The following MYO1H variants were observed in gnomAD, a reference collection of about 807,000 sequenced individuals.
The protein encoded by MYO1H is myosin IH.
A neutral mutation model predicts 149.3 loss-of-function variants in MYO1H; 118 were observed. That is an observed-to-expected ratio of 0.79 (90% CI 0.68 to 0.92). The LOEUF (loss-of-function observed/expected upper bound fraction) is 0.92, where lower values mean the gene tolerates loss of function less well. Among genes scored for constraint, MYO1H ranks in the 40% least tolerant of loss-of-function variants. MYO1H has a pLI of 0.00. For missense variants in MYO1H, 1,212 were observed against 1,280.7 expected (o/e 0.95, Z 0.82); for synonymous variants, 447 against 465.2 (o/e 0.96, Z 0.50).
At chr12:109,332,923 C>CGGGAA in the MYO1H span, among the ~76,000 whole-genome samples, 1 of 152,116 alleles carries the variant, frequency 6.6e-6, no homozygotes, top group Non-Finnish European at 1.5e-5. Flanking sequence ...ACAAATGTTC[C>CGGGAA]CCAAAGGCCA....
At chr12:109,406,083 G>A (rs747657615) in intron 8 of MYO1H, 48 bp downstream of exon 8, 2 of 1,378,680 alleles carry the variant, frequency 1.5e-6, no homozygotes, top group South Asian at 1.2e-5. Context: ...ATGGGTGGGA[G>A]AGAAGAGCGA....
At position 109,444,461 on chromosome 12, in the gene MYO1H, G is replaced by A. The variant is rs183857406; in HGVS notation, c.2925G>A (p.Val975=). ...ATGCCGTTTTGCAGTGTGGACACGT[G>A]TTTGAAGCAGTTACTAAACTCGTCA... Residue 975 remains valine (V), a synonymous_variant, in exon 30 of 32, where the codon GTG becomes GTA. Coordinates refer to ENST00000310903, the Ensembl canonical transcript of MYO1H. 1.9e-4 allele frequency: 302 copies of A among 1,613,960 alleles called. 1 individual carries two copies. The African/African-American group carries it at 3.4e-3, about 18-fold the overall frequency.
At chr12:109,382,615 T>C (rs1453215049) in intron 1 of MYO1H, among the ~76,000 whole-genome samples, 2 of 152,094 alleles carry the variant, frequency 1.3e-5, no homozygotes, top group African/African-American at 2.4e-5. Flanking sequence ...TATAAGTGCA[T>C]GTATAGTTTT....
intron 2 of MYO1H, among the ~76,000 whole-genome samples, chr12:109,390,616 C>T (rs1869603243): frequency 6.6e-6 from 1 of 151,182 alleles, no homozygotes; most frequent in African/African-American, 2.4e-5. Flanking sequence ...AGTGTTTTGC[C>T]CAATTTTAGG....
intron 19 of MYO1H, among the ~76,000 whole-genome samples, chr12:109,429,245 C>T (rs544979015): frequency 6.6e-5 from 10 of 152,240 alleles, no homozygotes; most frequent in African/African-American, 2.2e-4. Flanking sequence ...TCTGAGCTAG[C>T]ACTGTCCTAG....
In MYO1H at chr12:109,376,037, C is replaced by T. The variant is rs547493555; in HGVS notation, c.13-12646C>T. On this transcript the variant is annotated intron_variant, in intron 1 of 31. Transcript: ENST00000310903. ...TCCTACCCCAAGGCCATGAAGATATCTTCTATATTCTCTTCTAAAGCTTTA... is the reference window on the plus strand; with the variant it reads ...TCCTACCCCAAGGCCATGAAGATATTTTCTATATTCTCTTCTAAAGCTTTA... Among the ~76,000 whole-genome samples the T allele has an allele frequency of 7.2e-5, 11 of 152,264 alleles. 1 individual carries two copies. In the South Asian group the frequency reaches 1.0e-3, roughly 14 times the overall value.
the MYO1H span, among the ~76,000 whole-genome samples, chr12:109,321,076 A>G: frequency 2.0e-5 from 3 of 151,972 alleles, no homozygotes; most frequent in African/African-American, 7.3e-5. Context: ...CGACAGAGCA[A>G]TACTCCATCT....
intron 31 of MYO1H, chr12:109,445,976 C>T (rs1872463575): frequency 1.0e-6 from 1 of 985,284 alleles, no homozygotes; most frequent in South Asian, 4.7e-5. Context: ...GCTTGTGTCC[C>T]ACCCAGATAC....
At chr12:109,436,683 G>A in intron 22 of MYO1H, 127 bp downstream of exon 22, 2 of 638,012 alleles carry the variant, frequency 3.1e-6, no homozygotes, top group Non-Finnish European at 5.6e-6. Flanking sequence ...TTGGGGTCCA[G>A]TTCTGGGGCC....
At chr12:109,314,605 G>C in the MYO1H span, among the ~76,000 whole-genome samples, 3 of 152,254 alleles carry the variant, frequency 2.0e-5, no homozygotes, top group African/African-American at 7.2e-5. Context: ...CCCCCTGGCT[G>C]AGTGTTTCTG....
chr12:109,382,784 G>GT (rs1869231872), intron 1 of MYO1H, among the ~76,000 whole-genome samples: 1 of 150,934 alleles, frequency 6.6e-6, no homozygotes, highest in Non-Finnish European at 1.5e-5. Context: ...TGTATATTGA[G>GT]TTTGTTGTAC....
the MYO1H span, among the ~76,000 whole-genome samples, chr12:109,321,705 C>G: frequency 6.6e-6 from 1 of 152,120 alleles, no homozygotes; most frequent in African/African-American, 2.4e-5. Flanking sequence ...ATCAAAAAAT[C>G]AGATTAATAT....
At chr12:109,423,039 G>A (rs1871238436) in intron 16 of MYO1H, among the ~76,000 whole-genome samples, 1 of 152,052 alleles carries the variant, frequency 6.6e-6, no homozygotes, top group African/African-American at 2.4e-5. Flanking sequence ...CTGTGACCGT[G>A]TCATTCATTG....
At chr12:109,352,543 C>T (rs183966033) in intron 1 of MYO1H, among the ~76,000 whole-genome samples, 83 of 152,252 alleles carry the variant, frequency 5.5e-4, no homozygotes, top group African/African-American at 1.9e-3. Flanking sequence ...TTGCGTGTCT[C>T]GTTATAGACA....
the MYO1H span, among the ~76,000 whole-genome samples, chr12:109,315,580 G>GT: frequency 2.5e-3 from 379 of 152,250 alleles, 2 homozygotes; most frequent in African/African-American, 8.2e-3. Flanking sequence ...ACACGTTGGG[G>GT]TTTTTTCTTT....
At chr12:109,324,467 T>C in the MYO1H span, among the ~76,000 whole-genome samples, 1 of 152,200 alleles carries the variant, frequency 6.6e-6, no homozygotes, top group African/African-American at 2.4e-5. Context: ...GAAAATCTAA[T>C]CTGCCTAACT....
chr12:109,320,391 C>G, the MYO1H span, among the ~76,000 whole-genome samples: 1 of 138,484 alleles, frequency 7.2e-6, no homozygotes, highest in Non-Finnish European at 1.5e-5. Context: ...GGGGGGATCA[C>G]TTGAGGACAG....
chr12:109,367,794 C>T (rs1320338854), intron 1 of MYO1H, among the ~76,000 whole-genome samples: 3 of 152,058 alleles, frequency 2.0e-5, no homozygotes, highest in Admixed American at 6.5e-5. Context: ...CCTCATGATC[C>T]GCTCGCCTCC....
chr12:109,354,795 GA>G (rs953974252), intron 1 of MYO1H, among the ~76,000 whole-genome samples: 1 of 152,174 alleles, frequency 6.6e-6, no homozygotes, highest in Non-Finnish European at 1.5e-5. Flanking sequence ...AATTGGGACA[GA>G]AAAAAATATG....
Sources: allele counts gnomAD v4.1 joint callset (sites outside exome capture counted in the v4.1 genomes callset), GRCh38; gene constraint gnomAD v4.1.1; transcripts MANE v1.5; gene names NCBI Gene and HGNC (gene_info 2026-07-23, HGNC 2026-07-21).